Variants in C1QTNF3 observed in about 807,000 individuals in gnomAD.
C1QTNF3 encodes C1q and TNF related 3.
A neutral mutation model predicts 32.6 loss-of-function variants in C1QTNF3; 26 were observed. That is an observed-to-expected ratio of 0.80 (90% CI 0.58 to 1.11). The LOEUF is 1.11. Ranked by LOEUF, C1QTNF3 falls within the 50% of genes least tolerant of loss-of-function variation. C1QTNF3 has a pLI of 0.00. For missense variants in C1QTNF3, 362 were observed against 398.2 expected (o/e 0.91, Z 0.77); for synonymous variants, 155 against 146.0 (o/e 1.06, Z -0.44).
the C1QTNF3 span, among the ~76,000 whole-genome samples, chr5:34,212,431 G>T: frequency 1.3e-5 from 2 of 151,918 alleles, no homozygotes; most frequent in African/African-American, 4.8e-5. Flanking sequence ...AAGAGCTTCT[G>T]CACAGCAAAA....
chr5:34,230,059 T>C, the C1QTNF3 span, among the ~76,000 whole-genome samples: 1 of 152,150 alleles, frequency 6.6e-6, no homozygotes, highest in Non-Finnish European at 1.5e-5. Context: ...GAACCAAATA[T>C]ACCAGCACCT....
chr5:34,219,955 T>C, the C1QTNF3 span: 6 of 152,110 alleles, frequency 3.9e-5, no homozygotes, highest in Admixed American at 3.9e-4. Flanking sequence ...TCAGTTCTAT[T>C]TGAAAAGACA....
the C1QTNF3 span, among the ~76,000 whole-genome samples, chr5:34,178,145 G>A: frequency 2.2e-4 from 33 of 149,870 alleles, no homozygotes; most frequent in African/African-American, 7.6e-4. Context: ...GGTGAGCATG[G>A]TGGTGCATGC....
the C1QTNF3 span, among the ~76,000 whole-genome samples, chr5:34,177,335 C>A: frequency 2.0e-5 from 3 of 152,080 alleles, no homozygotes; most frequent in Non-Finnish European, 4.4e-5. Flanking sequence ...TTTTTTGAAA[C>A]AAGGTCTCAC....
chr5:34,112,690 C>A, the C1QTNF3 span, among the ~76,000 whole-genome samples: 1 of 152,044 alleles, frequency 6.6e-6, no homozygotes. Flanking sequence ...ACAAAAAAAA[C>A]CACATCACCA....
At chr5:34,235,553 T>C in the C1QTNF3 span, among the ~76,000 whole-genome samples, 3 of 148,232 alleles carry the variant, frequency 2.0e-5, no homozygotes, top group East Asian at 2.0e-4. Context: ...TTTCTTTTTT[T>C]TTTTTTTTTT....
In C1QTNF3 at chr5:34,033,319, A is replaced by G. The variant is rs774770764; in HGVS notation, c.555T>C (p.Ile185=). 1.2e-6 allele frequency: 2 copies of G among 1,613,602 alleles called. No homozygotes were observed. The highest frequency in any genetic ancestry group is 1.7e-6 in the Non-Finnish European group (2 of 1,179,814). ...GPKGEKGYPG[I]PPELQIAFMA... is the part of the protein sequence containing the mutation. The stretch of plus-strand genomic sequence containing the variant: ...GATGGTTTACCTGAAGTTCTGGTGG[A>G]ATCCCCGGGTAGCCCTTCTCTCCTT... The change falls in exon 3 of 6, where the codon ATT becomes ATC. Residue 185 remains isoleucine, a synonymous_variant. Coordinates refer to ENST00000382065, the MANE Select transcript of C1QTNF3 (RefSeq NM_181435.6).
chr5:34,242,200 A>C, the C1QTNF3 span, among the ~76,000 whole-genome samples: 1 of 152,338 alleles, frequency 6.6e-6, no homozygotes, highest in African/African-American at 2.4e-5. Flanking sequence ...AAAAGCCAGA[A>C]TGGCCAAAGC....
At chr5:34,236,626 C>T in the C1QTNF3 span, among the ~76,000 whole-genome samples, 3 of 125,416 alleles carry the variant, frequency 2.4e-5, no homozygotes, top group Non-Finnish European at 4.7e-5. Context: ...CAGGCTGTAG[C>T]GCAGTGGTGG....
chr5:34,146,392 C>T, the C1QTNF3 span, among the ~76,000 whole-genome samples: 1 of 152,148 alleles, frequency 6.6e-6, no homozygotes, highest in Admixed American at 6.5e-5. Context: ...AATCCAGGGA[C>T]ATTGTACTAC....
the C1QTNF3 span, among the ~76,000 whole-genome samples, chr5:34,142,257 C>T: frequency 2.0e-5 from 3 of 152,176 alleles, no homozygotes; most frequent in East Asian, 5.8e-4. Flanking sequence ...CATGTGAAAC[C>T]CTGTCTCTAC....
chr5:34,082,322 A>G, the C1QTNF3 span, among the ~76,000 whole-genome samples: 1 of 151,538 alleles, frequency 6.6e-6, no homozygotes, highest in East Asian at 1.9e-4. Flanking sequence ...CAAGGTTGAA[A>G]TGAGAATGTT....
the C1QTNF3 span, among the ~76,000 whole-genome samples, chr5:34,121,820 G>A: frequency 6.6e-6 from 1 of 152,178 alleles, no homozygotes; most frequent in Non-Finnish European, 1.5e-5. Context: ...GGTCATCGGA[G>A]TAAAGCCTTC....
the C1QTNF3 span, among the ~76,000 whole-genome samples, chr5:34,203,467 C>T: frequency 0.014 from 2,116 of 152,210 alleles, 59 homozygotes; most frequent in African/African-American, 0.049. Context: ...GTGGGTGGAC[C>T]ACGAGGTCAG....
chr5:34,211,444 G>A, the C1QTNF3 span, among the ~76,000 whole-genome samples: 1 of 151,716 alleles, frequency 6.6e-6, no homozygotes, highest in Admixed American at 6.6e-5. Context: ...ACAGTGTGCA[G>A]GTTAGTTACA....
chr5:34,030,958 G>C (rs1233055587), intron 3 of C1QTNF3, among the ~76,000 whole-genome samples: 1 of 152,040 alleles, frequency 6.6e-6, no homozygotes, highest in Non-Finnish European at 1.5e-5. Context: ...AGGAGGGAGA[G>C]AATCAGGAAA....
the C1QTNF3 span, among the ~76,000 whole-genome samples, chr5:34,113,475 C>T: frequency 6.6e-6 from 1 of 151,708 alleles, no homozygotes; most frequent in Non-Finnish European, 1.5e-5. Flanking sequence ...CATTTTTAAC[C>T]TTCTATTGTC....
chr5:34,165,313 C>T, the C1QTNF3 span: 3 of 152,188 alleles, frequency 2.0e-5, no homozygotes, highest in African/African-American at 7.2e-5. Flanking sequence ...CTTCTCGGCC[C>T]GCATAATCGC....
At chr5:34,168,281 A>ATGTGTGTGTG in the C1QTNF3 span, 2 of 144,068 alleles carry the variant, frequency 1.4e-5, no homozygotes, top group African/African-American at 5.5e-5. Flanking sequence ...GTGTGTGTGC[A>ATGTGTGTGTG]TGCGTGTGTG....
Sources: allele counts gnomAD v4.1 joint callset (sites outside exome capture counted in the v4.1 genomes callset), GRCh38; gene constraint gnomAD v4.1.1; transcripts MANE v1.5; gene names NCBI Gene and HGNC (gene_info 2026-07-23, HGNC 2026-07-21).